SRD5A2: variants seen among roughly 807,000 people sequenced by gnomAD.
SRD5A2 encodes the protein steroid 5 alpha-reductase 2, also known as 3-oxo-5-alpha-steroid 4-dehydrogenase 2.
A neutral mutation model predicts 27.4 loss-of-function variants in SRD5A2; 30 were observed. That is an observed-to-expected ratio of 1.10 (90% CI 0.82 to 1.49). The LOEUF is 1.49. Among genes scored for constraint, SRD5A2 ranks in the 40% most tolerant of loss-of-function variants. The pLI is 0.00. For missense variants in SRD5A2, 348 were observed against 323.4 expected, an observed-to-expected ratio of 1.08 and a Z score of -0.58; for synonymous variants, 141 against 133.6, an observed-to-expected ratio of 1.06 and a Z score of -0.38.
the SRD5A2 span, among the ~76,000 whole-genome samples, chr2:31,642,998 T>A: frequency 6.6e-6 from 1 of 151,924 alleles, no homozygotes; most frequent in Non-Finnish European, 1.5e-5. Context: ...AAAAAAAAGA[T>A]CAGAAAAATA....
chr2:31,526,676 T>A (rs1456891482), intron 4 of SRD5A2, among the ~76,000 whole-genome samples: 1 of 152,106 alleles, frequency 6.6e-6, no homozygotes, highest in East Asian at 1.9e-4. Context: ...GAACCAGCAA[T>A]GTTCCCAGGA....
intron 1 of SRD5A2, among the ~76,000 whole-genome samples, chr2:31,571,937 T>TA (rs1412532377): frequency 6.6e-6 from 1 of 151,742 alleles, no homozygotes; most frequent in South Asian, 2.1e-4. Flanking sequence ...TCAAATAATT[T>TA]AAAACAGAAT....
At chr2:31,530,020 C>T (rs1295593340) in intron 3 of SRD5A2, among the ~76,000 whole-genome samples, 1 of 152,142 alleles carries the variant, frequency 6.6e-6, no homozygotes, top group African/African-American at 2.4e-5. Context: ...AGGTATTTGT[C>T]CTGCTGTAGG....
the SRD5A2 span, among the ~76,000 whole-genome samples, chr2:31,614,685 A>C: frequency 6.6e-6 from 1 of 152,236 alleles, no homozygotes; most frequent in Non-Finnish European, 1.5e-5. Flanking sequence ...CTGTCACTGC[A>C]GAAAACTTCT....
At chr2:31,617,638 T>C in the SRD5A2 span, among the ~76,000 whole-genome samples, 333 of 152,338 alleles carry the variant, frequency 2.2e-3, no homozygotes, top group Non-Finnish European at 3.6e-3. Flanking sequence ...ATCATCTCTC[T>C]CAAGATCAAA....
intron 1 of SRD5A2, among the ~76,000 whole-genome samples, chr2:31,577,886 A>G (rs976074283): frequency 6.6e-6 from 1 of 152,232 alleles, no homozygotes. Context: ...AAAAGAATTT[A>G]GATGCAAAAA....
chr2:31,627,734 T>C, the SRD5A2 span, among the ~76,000 whole-genome samples: 4 of 152,302 alleles, frequency 2.6e-5, no homozygotes, highest in East Asian at 7.7e-4. Flanking sequence ...TACCTAGAAG[T>C]CATTCAGAAG....
At chr2:31,614,616 G>T in the SRD5A2 span, among the ~76,000 whole-genome samples, 9 of 152,166 alleles carry the variant, frequency 5.9e-5, no homozygotes, top group Non-Finnish European at 1.2e-4. Flanking sequence ...TCTTGTGTGG[G>T]GGCTTCAACC....
chr2:31,574,340 GCT>G (rs1666912659), intron 1 of SRD5A2, among the ~76,000 whole-genome samples: 1 of 152,214 alleles, frequency 6.6e-6, no homozygotes, highest in African/African-American at 2.4e-5. Context: ...CAGGCTTCAA[GCT>G]CCACTCTGCC....
At chr2:31,555,324 T>A (rs1666473143) in intron 1 of SRD5A2, among the ~76,000 whole-genome samples, 1 of 152,232 alleles carries the variant, frequency 6.6e-6, no homozygotes, top group Non-Finnish European at 1.5e-5. Flanking sequence ...CAGACCTACC[T>A]CTTTCCACAG....
At chr2:31,609,769 C>T in the SRD5A2 span, among the ~76,000 whole-genome samples, 1 of 151,990 alleles carries the variant, frequency 6.6e-6, no homozygotes, top group Non-Finnish European at 1.5e-5. Flanking sequence ...TCTGAAAACA[C>T]TACCATCAGG....
chr2:31,646,652 A>G, the SRD5A2 span, among the ~76,000 whole-genome samples: 1 of 152,170 alleles, frequency 6.6e-6, no homozygotes. Flanking sequence ...AGGAAGAAGA[A>G]GAGAACAAAT....
At chr2:31,561,057 A>T (rs960191237) in intron 1 of SRD5A2, among the ~76,000 whole-genome samples, 1 of 152,190 alleles carries the variant, frequency 6.6e-6, no homozygotes, top group Non-Finnish European at 1.5e-5. Flanking sequence ...AAAGCAATAG[A>T]GAAATGCCTC....
chr2:31,594,960 T>C, the SRD5A2 span, among the ~76,000 whole-genome samples: 1 of 152,184 alleles, frequency 6.6e-6, no homozygotes, highest in Non-Finnish European at 1.5e-5. Context: ...TGAATAATTT[T>C]TGAGTCAATA....
chr2:31,609,949 C>T, the SRD5A2 span, among the ~76,000 whole-genome samples: 1 of 152,030 alleles, frequency 6.6e-6, no homozygotes, highest in South Asian at 2.1e-4. Context: ...TAGAAACCTG[C>T]AACCTGCCAA....
chr2:31,650,486 A>G, the SRD5A2 span, among the ~76,000 whole-genome samples: 1 of 152,296 alleles, frequency 6.6e-6, no homozygotes, highest in South Asian at 2.1e-4. Context: ...ATTTAGCTTC[A>G]TCCTTTCCTC....
intron 1 of SRD5A2, among the ~76,000 whole-genome samples, chr2:31,546,594 A>G (rs1250880022): frequency 6.6e-6 from 1 of 152,198 alleles, no homozygotes; most frequent in African/African-American, 2.4e-5. Context: ...CGTTGAGTAC[A>G]CTTGAACATA....
the SRD5A2 span, among the ~76,000 whole-genome samples, chr2:31,630,325 G>T: frequency 6.6e-6 from 1 of 152,060 alleles, no homozygotes; most frequent in African/African-American, 2.4e-5. Context: ...GAGAGAGAGA[G>T]AAAAGAGAGA....
At chr2:31,578,082 T>C (rs959794120) in intron 1 of SRD5A2, among the ~76,000 whole-genome samples, 12 of 152,118 alleles carry the variant, frequency 7.9e-5, no homozygotes, top group Admixed American at 2.6e-4. Context: ...AAAAACCATA[T>C]ATTCAACATA....
Sources: allele counts gnomAD v4.1 joint callset (sites outside exome capture counted in the v4.1 genomes callset), GRCh38; gene constraint gnomAD v4.1.1; transcripts MANE v1.5; gene names NCBI Gene and HGNC (gene_info 2026-07-23, HGNC 2026-07-21).